IGF2BP2: variants seen among roughly 807,000 people sequenced by gnomAD.
IGF2BP2 encodes insulin like growth factor 2 mRNA binding protein 2.
In IGF2BP2, 17 loss-of-function variants were observed where a neutral mutation model predicts 75.8. The ratio of observed to expected loss-of-function variants is 0.22; its 90% confidence interval spans 0.15 to 0.34. IGF2BP2 has a LOEUF of 0.34. Among genes scored for constraint, IGF2BP2 ranks in the 10% least tolerant of loss-of-function variants. The probability of loss-of-function intolerance (pLI) is 1.00; values close to 1 mark genes in which losing one functional copy is unlikely to be tolerated. For synonymous variants in IGF2BP2, 288 were observed against 295.6 expected (o/e 0.97, Z 0.26); for missense variants, 516 against 772.4 (o/e 0.67, Z 3.93).
chr3:185,811,832 C>CTCTG (rs1553897414), intron 2 of IGF2BP2, among the ~76,000 whole-genome samples: 6 of 34,736 alleles, frequency 1.7e-4, no homozygotes, highest in Middle Eastern at 9.1e-3. Flanking sequence ...AGTAGGGTGT[C>CTCTG]TCTCTCTCTC....
At chr3:185,687,284 GAC>G in intron 6 of IGF2BP2, 93 bp from the exon 7 acceptor site, 2 of 1,292,832 alleles carry the variant, frequency 1.5e-6, no homozygotes, top group Non-Finnish European at 2.1e-6. Flanking sequence ...GTACAGCAAG[GAC>G]ACAGACAGAC....
chr3:185,662,104 T>A (rs2149128075), intron 10 of IGF2BP2, among the ~76,000 whole-genome samples: 1 of 152,204 alleles, frequency 6.6e-6, no homozygotes, highest in East Asian at 1.9e-4. Context: ...CTATGTGGCA[T>A]TCAGTGAGGT....
At chr3:185,747,264 A>G (rs1730363605) in intron 2 of IGF2BP2, among the ~76,000 whole-genome samples, 1 of 152,242 alleles carries the variant, frequency 6.6e-6, no homozygotes, top group East Asian at 1.9e-4. Context: ...TAAAGCTCTG[A>G]AAACTGGTAA....
Position 185,792,679 on chromosome 3 carries a change from T to C in IGF2BP2, c.239+30474A>G, listed in dbSNP as rs148646555. On this transcript the variant is annotated intron_variant, in intron 2 of 15. Transcript: ENST00000382199. ...CTACTCGGGAGAGTGAGGCAGAGAA[T>C]TGTTCGAACCCCGGAGGTGGAGGTT... is the stretch of plus-strand genomic sequence containing the variant. 9.6e-3 allele frequency among the ~76,000 whole-genome samples: 1,455 copies of C among 151,446 alleles called. 25 individuals carry two copies. Among genetic ancestry groups the C allele is most frequent in the African/African-American group, 0.032 (1,315 of 41,210 alleles).
intron 2 of IGF2BP2, among the ~76,000 whole-genome samples, chr3:185,748,579 T>C (rs535579687): frequency 2.0e-5 from 3 of 152,346 alleles, no homozygotes; most frequent in African/African-American, 7.2e-5. Context: ...AGGCATAATA[T>C]ATAACAATCA....
chr3:185,777,593 A>G (rs1218952276), intron 2 of IGF2BP2, among the ~76,000 whole-genome samples: 1 of 152,274 alleles, frequency 6.6e-6, no homozygotes, highest in African/African-American at 2.4e-5. Flanking sequence ...CACACATCTA[A>G]GAAATATTCA....
chr3:185,817,199 C>A (rs1740725943), intron 2 of IGF2BP2, among the ~76,000 whole-genome samples: 1 of 152,032 alleles, frequency 6.6e-6, no homozygotes, highest in Non-Finnish European at 1.5e-5. Context: ...AAGTGTAGAA[C>A]AGATAAATAA....
intron 7 of IGF2BP2, among the ~76,000 whole-genome samples, chr3:185,676,690 TATATATATATATATTTACTGGAG>T (rs1249820405): frequency 6.8e-6 from 1 of 147,706 alleles, no homozygotes; most frequent in Non-Finnish European, 1.5e-5. Flanking sequence ...AACAACTATA[TATATATATATATATTTACTGGAG>T]ATATATATAT....
intron 12 of IGF2BP2, among the ~76,000 whole-genome samples, chr3:185,656,534 T>TC (rs2149090127): frequency 6.6e-6 from 1 of 152,378 alleles, no homozygotes; most frequent in Admixed American, 6.5e-5. Flanking sequence ...TTCTGGGTTG[T>TC]CCCATGGTAG....
intron 2 of IGF2BP2, among the ~76,000 whole-genome samples, chr3:185,770,085 A>G (rs1733675585): frequency 6.6e-6 from 1 of 152,170 alleles, no homozygotes; most frequent in African/African-American, 2.4e-5. Context: ...AAGGGAAACG[A>G]ATCCTGAGCC....
intron 2 of IGF2BP2, among the ~76,000 whole-genome samples, chr3:185,747,998 G>A (rs899165799): frequency 1.3e-5 from 2 of 152,088 alleles, no homozygotes; most frequent in Non-Finnish European, 2.9e-5. Context: ...TGCGACTACA[G>A]GCGCCTGCCA....
chr3:185,744,578 C>T (rs529896382), intron 2 of IGF2BP2, among the ~76,000 whole-genome samples: 11 of 152,262 alleles, frequency 7.2e-5, no homozygotes, highest in African/African-American at 2.6e-4. Flanking sequence ...GAGGCCAAGG[C>T]GGGTGGATCA....
In IGF2BP2 at chr3:185,677,019, GGAGA is replaced by G. The variant is rs747454214; in HGVS notation, c.813-1110_813-1107del. ...ATATATATGGAGAGATTATATATATGGAGAGAGATATATATATATATGGAGATAT... is the reference window on the plus strand; with the variant it reads ...ATATATATGGAGAGATTATATATATGGAGATATATATATATATGGAGATAT... On this transcript the variant is annotated intron_variant, in intron 7 of 15. Transcript: ENST00000382199. 6.0e-3 allele frequency among the ~76,000 whole-genome samples: 380 copies of G among 63,184 alleles called. 4 individuals carry two copies. The highest frequency in any genetic ancestry group is 0.022 in the African/African-American group (336 of 14,960). The allele number at this position is 63,184 out of a possible 152,430, so 41.5% of individuals were successfully genotyped here. A position where few individuals can be genotyped will look rare whatever the true frequency, so the allele number is the denominator to read the frequency against.
At position 185,647,564 on chromosome 3, in the gene IGF2BP2, C is replaced by T. The variant is rs1713803978; in HGVS notation, c.1594-426G>A. On this transcript the variant is annotated intron_variant, in intron 14 of 15. Coordinates refer to ENST00000382199, the MANE Select transcript of IGF2BP2 (RefSeq NM_006548.6). The surrounding 1 kb of genome is among the most constrained non-coding windows in gnomAD (Gnocchi z 4.9). Reference sequence around the variant, plus strand: ...CCCAAACCTCCTCTTGGTTAACTTTCCCTGCGAATCAGCCCTGCTGTTCCC... The same window carrying T: ...CCCAAACCTCCTCTTGGTTAACTTTTCCTGCGAATCAGCCCTGCTGTTCCC... Among the ~76,000 whole-genome samples, 1 of 152,036 alleles carries T rather than the reference C, an allele frequency of 6.6e-6. No individual in the cohort carries two copies. The highest frequency in any genetic ancestry group is 2.1e-4 in the South Asian group (1 of 4,812).
chr3:185,721,241 G>A (rs1726489439), intron 2 of IGF2BP2, among the ~76,000 whole-genome samples: 1 of 151,696 alleles, frequency 6.6e-6, no homozygotes, highest in Non-Finnish European at 1.5e-5. Context: ...ATGGTGTCTC[G>A]ATCTGTCACC....
chr3:185,740,400 A>C (rs1367439665), intron 2 of IGF2BP2, among the ~76,000 whole-genome samples: 1 of 152,210 alleles, frequency 6.6e-6, no homozygotes, highest in Non-Finnish European at 1.5e-5. Context: ...TTCTCAAAAC[A>C]TTCACAGTCT....
intron 2 of IGF2BP2, among the ~76,000 whole-genome samples, chr3:185,738,662 T>C (rs982931176): frequency 3.3e-5 from 5 of 152,234 alleles, no homozygotes; most frequent in Non-Finnish European, 7.3e-5. Context: ...GGCAGTTTTA[T>C]TGTTTTAATC....
intron 2 of IGF2BP2, among the ~76,000 whole-genome samples, chr3:185,746,069 T>C (rs1578175067): frequency 6.6e-6 from 1 of 152,168 alleles, no homozygotes; most frequent in Non-Finnish European, 1.5e-5. Context: ...ATCTACCTTA[T>C]TATAAGGACC....
chr3:185,670,105 T>G (rs1477196900), intron 10 of IGF2BP2, among the ~76,000 whole-genome samples: 1 of 152,252 alleles, frequency 6.6e-6, no homozygotes, highest in Non-Finnish European at 1.5e-5. Flanking sequence ...AAGATCAGAA[T>G]TACCTGGTTG....
Sources: gnomAD v4.1 joint callset for allele counts (sites outside exome capture counted in the v4.1 genomes callset) on GRCh38, gnomAD v4.1.1 for gene constraint, Gnocchi (gnomAD v3.1) non-coding constraint, MANE v1.5 for transcripts, NCBI Gene and HGNC (gene_info 2026-07-23, HGNC 2026-07-21) for gene names.